The following FAAH2 variants were observed in gnomAD, a reference collection of about 807,000 sequenced individuals.
FAAH2 encodes fatty-acid amide hydrolase 2.
Under a neutral mutation model 36.9 loss-of-function variants are expected in FAAH2, and 60 were observed. The observed-to-expected ratio is 1.63, with a 90% CI of 1.32 to 2.02. The LOEUF (loss-of-function observed/expected upper bound fraction) is 2.02. FAAH2 is among the 30% of genes most tolerant of loss of function. The pLI is 0.00. For synonymous variants in FAAH2, 214 were observed against 143.8 expected (o/e 1.49, Z -3.49); for missense variants, 689 against 397.5 (o/e 1.73, Z -6.23).
the FAAH2 span, among the ~76,000 whole-genome samples, chrX:57,219,358 T>G: frequency 1.8e-5 from 2 of 111,398 alleles, no homozygotes; most frequent in African/African-American, 6.5e-5. Flanking sequence ...GGGGCTCAGG[T>G]CTGCATCCCC....
intron 7 of FAAH2, among the ~76,000 whole-genome samples, chrX:57,385,337 G>T (rs1453787462): frequency 9.1e-6 from 1 of 109,549 alleles, no homozygotes; most frequent in Non-Finnish European, 1.9e-5. Flanking sequence ...GTAAAAGATG[G>T]CTTTTATATT....
the FAAH2 span, among the ~76,000 whole-genome samples, chrX:57,258,468 G>T: frequency 9.0e-6 from 1 of 110,734 alleles, no homozygotes; most frequent in Non-Finnish European, 1.9e-5. Flanking sequence ...AAAAAAGTTT[G>T]CTTCACTGTA....
the FAAH2 span, among the ~76,000 whole-genome samples, chrX:57,237,718 A>G: frequency 2.7e-5 from 3 of 111,664 alleles, no homozygotes; most frequent in Non-Finnish European, 5.7e-5. Context: ...GACAACCTAA[A>G]GAATGAAATA....
intron 5 of FAAH2, among the ~76,000 whole-genome samples, chrX:57,364,096 C>T (rs1327619268): frequency 1.0e-5 from 1 of 100,431 alleles, no homozygotes; most frequent in African/African-American, 3.6e-5. Flanking sequence ...GGAAGACTCC[C>T]TCCTTGACTT....
chrX:57,188,015 G>T, the FAAH2 span, among the ~76,000 whole-genome samples: 1 of 111,712 alleles, frequency 9.0e-6, no homozygotes, highest in Non-Finnish European at 1.9e-5. Flanking sequence ...ATAATAACCT[G>T]AAATTTTCCT....
chrX:57,419,015 A>G (rs1237940354), intron 7 of FAAH2, among the ~76,000 whole-genome samples: 1 of 105,213 alleles, frequency 9.5e-6, no homozygotes, highest in Non-Finnish European at 1.9e-5. Context: ...ATGATTTCCA[A>G]TTTCATCCAT....
In FAAH2 at chrX:57,376,366, C is replaced by T. The variant is rs2054678285; in HGVS notation, c.743-2285C>T. Among the ~76,000 whole-genome samples, 2 of 111,085 alleles carry T rather than the reference C, an allele frequency of 1.8e-5. 1 individual carries two copies. Among genetic ancestry groups the T allele is most frequent in the South Asian group, 7.6e-4 (2 of 2,623 alleles). The stretch of plus-strand genomic sequence containing the variant: ...CAGTCACCTACCTTAGGTATTTCTC[C>T]TAATGCTATCCCTCCCCTAGCCCTT... On this transcript the variant is annotated intron_variant, in intron 5 of 10. Coordinates refer to ENST00000374900, the MANE Select transcript of FAAH2 (RefSeq NM_174912.4).
chrX:57,214,102 C>T, the FAAH2 span, among the ~76,000 whole-genome samples: 2 of 111,386 alleles, frequency 1.8e-5, no homozygotes, highest in African/African-American at 3.3e-5. Context: ...AGTCTGTTGC[C>T]TTTGATATAA....
At chrX:57,483,247 G>C (rs1251585008) in intron 10 of FAAH2, among the ~76,000 whole-genome samples, 1 of 110,994 alleles carries the variant, frequency 9.0e-6, no homozygotes, top group African/African-American at 3.3e-5. Context: ...GACCAGTTTA[G>C]TTTGAGAGAC....
At chrX:57,294,933 A>C (rs768771290) in intron 2 of FAAH2, among the ~76,000 whole-genome samples, 2 of 112,083 alleles carry the variant, frequency 1.8e-5, no homozygotes, top group African/African-American at 3.2e-5. Context: ...GAATGAAAAA[A>C]CAAAAAAAAA....
intron 7 of FAAH2, among the ~76,000 whole-genome samples, chrX:57,410,106 T>C (rs1430356160): frequency 2.7e-5 from 3 of 111,478 alleles, no homozygotes; most frequent in Non-Finnish European, 5.7e-5. Flanking sequence ...TTTTTTTTAA[T>C]TTCCTTTTAT....
At chrX:57,437,649 T>C (rs901897065) in intron 8 of FAAH2, among the ~76,000 whole-genome samples, 1 of 104,994 alleles carries the variant, frequency 9.5e-6, no homozygotes. Context: ...AAAAATAAAG[T>C]AGAACTCCTT....
intron 5 of FAAH2, among the ~76,000 whole-genome samples, chrX:57,369,786 T>C (rs1196396948): frequency 1.8e-5 from 2 of 111,944 alleles, no homozygotes; most frequent in Non-Finnish European, 3.8e-5. Context: ...AAGGTAAATT[T>C]GTTGTGAAAT....
At chrX:57,130,596 G>A in the FAAH2 span, among the ~76,000 whole-genome samples, 1 of 112,079 alleles carries the variant, frequency 8.9e-6, no homozygotes, top group Non-Finnish European at 1.9e-5. Flanking sequence ...GTTTTCATGT[G>A]CCCACTGTTT....
At chrX:57,449,248 T>C (rs779155461) in intron 10 of FAAH2, among the ~76,000 whole-genome samples, 1 of 112,127 alleles carries the variant, frequency 8.9e-6, no homozygotes, top group Admixed American at 9.5e-5. Flanking sequence ...CCTGGACATG[T>C]ACTAGGTCAG....
intron 10 of FAAH2, among the ~76,000 whole-genome samples, chrX:57,474,228 C>A (rs1353545179): frequency 2.7e-5 from 3 of 111,339 alleles, no homozygotes; most frequent in African/African-American, 6.5e-5. Context: ...TTCTGGGATA[C>A]ACGTGTAGAA....
At chrX:57,441,403 T>C (rs2056551775) in intron 8 of FAAH2, among the ~76,000 whole-genome samples, 1 of 111,728 alleles carries the variant, frequency 9.0e-6, no homozygotes. Flanking sequence ...GTGTTTATAC[T>C]ATTCTCTGAT....
At chrX:57,466,679 G>A (rs1158462122) in intron 10 of FAAH2, among the ~76,000 whole-genome samples, 7 of 110,843 alleles carry the variant, frequency 6.3e-5, no homozygotes, top group Non-Finnish European at 1.9e-5. Flanking sequence ...AAACTAAAAG[G>A]ATGGGAAAAG....
chrX:57,438,240 TATATAGATATAAGTATATAG>T (rs1482449837), intron 8 of FAAH2, among the ~76,000 whole-genome samples: 1 of 49,436 alleles, frequency 2.0e-5, no homozygotes, highest in Non-Finnish European at 3.5e-5. Flanking sequence ...TATATCAGTA[TATATAGATATAAGTATATAG>T]ATATAGATAT....
Sources: gnomAD v4.1 joint callset for allele counts (sites outside exome capture counted in the v4.1 genomes callset) on GRCh38, gnomAD v4.1.1 for gene constraint, MANE v1.5 for transcripts, NCBI Gene and HGNC (gene_info 2026-07-23, HGNC 2026-07-21) for gene names.